RIF1: variants seen among roughly 807,000 people sequenced by gnomAD.
RIF1 encodes telomere-associated protein RIF1.
In RIF1, 45 loss-of-function variants were observed where a neutral mutation model predicts 247.1. The observed-to-expected ratio is 0.18, with a 90% CI of 0.14 to 0.23. The LOEUF (loss-of-function observed/expected upper bound fraction) is 0.23. Ranked by LOEUF, RIF1 falls within the 10% of genes least tolerant of loss-of-function variation. The pLI, the probability that RIF1 is intolerant of heterozygous loss-of-function variation, is 1.00. For synonymous variants in RIF1, 1,087 were observed against 978.8 expected, an observed-to-expected ratio of 1.11 and a Z score of -2.06; for missense variants, 2,967 against 2,862.5, an observed-to-expected ratio of 1.04 and a Z score of -0.83.
intron 8 of RIF1, among the ~76,000 whole-genome samples, chr2:151,425,660 CT>C (rs34032157): frequency 3.2e-4 from 27 of 83,696 alleles, no homozygotes; most frequent in Admixed American, 1.6e-3. Context: ...TTGTGGTACC[CT>C]TTTTTTTTTT....
At chr2:151,447,012 C>T (rs573751240) in intron 20 of RIF1, among the ~76,000 whole-genome samples, 59 of 147,686 alleles carry the variant, frequency 4.0e-4, no homozygotes, top group African/African-American at 1.5e-3. Context: ...GGCGCGATCT[C>T]GGCTCACTGC....
chr2:151,458,003 G>A, intron 24 of RIF1, 40 bp downstream of exon 24: 2 of 1,393,380 alleles, frequency 1.4e-6, no homozygotes, highest in South Asian at 1.2e-5. Flanking sequence ...TAACTATTCT[G>A]TTGTGATCAT....
chr2:151,492,074 C>T, intron 9 of RIF1: 3 of 1,611,378 alleles, frequency 1.9e-6, no homozygotes, highest in South Asian at 1.1e-5. Flanking sequence ...AGTTAATCCC[C>T]TCCCCCAACC....
chr2:151,472,449 A>G (rs1299152513), intron 34 of RIF1, among the ~76,000 whole-genome samples: 6 of 152,194 alleles, frequency 3.9e-5, no homozygotes, highest in Non-Finnish European at 7.3e-5. Flanking sequence ...GTCTTGTGCC[A>G]GTTTTCAAAG....
At chr2:151,471,468 G>A (rs1051118390) in intron 34 of RIF1, among the ~76,000 whole-genome samples, 2 of 152,134 alleles carry the variant, frequency 1.3e-5, no homozygotes, top group South Asian at 4.1e-4. Context: ...AAATGGTATT[G>A]CCAAGGTTTT....
chr2:151,426,299 C>T lies in RIF1; in HGVS notation c.787-2485C>T, dbSNP rs534415692. On this transcript the variant is annotated intron_variant, in intron 8 of 35. Transcript: ENST00000444746. The stretch of plus-strand genomic sequence containing the variant: ...AAGCGATTCTCCTGCCTCAGCCTCC[C>T]GAGTAGCTGAGACTGCAGGCGCACG... 9.3e-5 allele frequency among the ~76,000 whole-genome samples: 14 copies of T among 150,482 alleles called. No individual in the cohort carries two copies. The South Asian group carries it at 1.3e-3, about 14-fold the overall frequency.
rs1049248887 is a variant in RIF1 at position 151,477,437 on chromosome 2, C to G, written c.*2366C>G. ...GTAGTATCTTTTTTTTTTTTTGAGA[C>G]ACAGTCTTGCTCTGTTGCCTATGCT... On this transcript the variant is annotated 3_prime_UTR_variant, in exon 36 of 36. Coordinates refer to ENST00000444746, the MANE Select transcript of RIF1 (RefSeq NM_018151.5). 6 of 150,586 alleles carry G rather than the reference C, an allele frequency of 4.0e-5. No individual in the cohort carries two copies. The highest frequency in any genetic ancestry group is 1.5e-4 in the African/African-American group (6 of 40,916). 9.3% of individuals were successfully genotyped at this position (150,586 alleles called of 1,614,324 possible). A position where few individuals can be genotyped will look rare whatever the true frequency, so the allele number is the denominator to read the frequency against.
At chr2:151,506,005 T>C in intron 12 of RIF1, 1 of 690,000 alleles carries the variant, frequency 1.4e-6, no homozygotes, top group Non-Finnish European at 2.6e-6. Context: ...CTGCACTGAA[T>C]ATGAGATGAC....
intron 22 of RIF1, among the ~76,000 whole-genome samples, chr2:151,455,783 C>T (rs557626776): frequency 3.5e-4 from 54 of 152,192 alleles, no homozygotes; most frequent in Admixed American, 2.7e-3. Context: ...CCACCATGCC[C>T]AGCTAATACC....
In RIF1 at chr2:151,465,585, A is replaced by C. The variant is rs1347854260; in HGVS notation, c.6065A>C (p.Glu2022Ala). Residue 2022 changes from glutamate (E) to alanine (A), a missense_variant, in exon 30 of 36, where the codon GAA (glutamate) becomes GCA (alanine). Glu to Ala is a moderately radical substitution (Grantham distance 107). Coordinates refer to ENST00000444746, the MANE Select transcript of RIF1 (RefSeq NM_018151.5). ...EETNTKMKNN[E>A]EMMIGEAMAE... ...ACGAATACCAAAATGAAAAATAATG[A>C]AGAAATGATGATCGGCGAGGCAATG... The C allele has an allele frequency of 6.8e-6, 11 of 1,613,844 alleles. No individual in the cohort carries two copies. Among genetic ancestry groups the C allele is most frequent in the Non-Finnish European group, 8.5e-7 (1 of 1,179,902 alleles).
chr2:151,508,029 C>T (rs1198548976), downstream of RIF1: 3 of 1,609,628 alleles, frequency 1.9e-6, no homozygotes, highest in Admixed American at 5.0e-5. Context: ...TTTGGTTCTC[C>T]CGGACTCTCT....
intron 34 of RIF1, among the ~76,000 whole-genome samples, chr2:151,470,480 A>G (rs1697620125): frequency 6.6e-6 from 1 of 152,134 alleles, no homozygotes; most frequent in African/African-American, 2.4e-5. Context: ...TTATGCAGCT[A>G]CTTGCCAGTT....
chr2:151,501,592 T>C, intron 11 of RIF1: 1 of 529,662 alleles, frequency 1.9e-6, no homozygotes, highest in South Asian at 5.1e-5. Flanking sequence ...GTTTTTATGA[T>C]GAAGTACCTC....
intron 22 of RIF1, 70 bp downstream of exon 22, chr2:151,455,229 T>A (rs1694983411): frequency 8.4e-7 from 1 of 1,185,718 alleles, no homozygotes; most frequent in African/African-American, 1.5e-5. Context: ...AACTTTTATT[T>A]TTTAATCAGC....
intron 3 of RIF1, among the ~76,000 whole-genome samples, chr2:151,411,925 C>T (rs1686306168): frequency 6.6e-6 from 1 of 152,170 alleles, no homozygotes; most frequent in African/African-American, 2.4e-5. Context: ...CCTAAAGTTG[C>T]CTAGGGGCAC....
At position 151,438,763 on chromosome 2, in the gene RIF1, T is replaced by G; in HGVS notation, c.1546+17T>G. 6.4e-7 allele frequency: 1 copy of G among 1,550,428 alleles called. No homozygotes were observed. The highest frequency in any genetic ancestry group is 8.9e-7 in the Non-Finnish European group (1 of 1,124,376). ...CTGAATCAGGTAAGCACTATTACAC[T>G]GATCAAATGTTGTTTTTTGAAACAG... is the stretch of plus-strand genomic sequence containing the variant. On this transcript the variant is annotated intron_variant, in intron 14 of 35. Transcript: ENST00000444746.
Position 151,443,713 on chromosome 2 carries a change from T to A in RIF1, c.1986+4T>A. Reference sequence around the variant, plus strand: ...ATTAACTGAATTGATTAATCAGGTATGAAATAAATCTGCTACGTATTTTGG... The same window carrying A: ...ATTAACTGAATTGATTAATCAGGTAAGAAATAAATCTGCTACGTATTTTGG... On this transcript the variant is annotated splice_donor_region_variant and intron_variant, in intron 18 of 35. Transcript: ENST00000444746. The A allele has an allele frequency of 6.6e-7, 1 of 1,518,422 alleles. No individual in the cohort carries two copies. Among genetic ancestry groups the A allele is most frequent in the Non-Finnish European group, 8.8e-7 (1 of 1,135,884 alleles). The allele number at this position is 1,518,422 out of a possible 1,614,324, so 94.1% of individuals were successfully genotyped here. A position where few individuals can be genotyped will look rare whatever the true frequency, so the allele number is the denominator to read the frequency against.
chr2:151,519,654 A>G, the RIF1 span: 18 of 1,593,862 alleles, frequency 1.1e-5, no homozygotes, highest in Non-Finnish European at 1.5e-5. Flanking sequence ...TTTTAGAAAC[A>G]TACCTCACTT....
At chr2:151,499,427 G>A in exon 11 of RIF1, 1 of 1,272,346 alleles carries the variant, frequency 7.9e-7, no homozygotes, top group Non-Finnish European at 1.1e-6. Flanking sequence ...AAAAACAAGA[G>A]CAGTCAAAAC....
Sources: gnomAD v4.1 joint callset for allele counts (sites outside exome capture counted in the v4.1 genomes callset) on GRCh38, gnomAD v4.1.1 for gene constraint, MANE v1.5 for transcripts, NCBI Gene and HGNC (gene_info 2026-07-23, HGNC 2026-07-21) for gene names.